GABRG3: variants seen among roughly 807,000 people sequenced by gnomAD.
GABRG3 encodes the protein gamma-aminobutyric acid receptor subunit gamma-3.
In GABRG3, 25 loss-of-function variants were observed where a neutral mutation model predicts 48.8. The ratio of observed to expected loss-of-function variants is 0.51; its 90% confidence interval spans 0.37 to 0.72. The LOEUF is 0.72. Among genes scored for constraint, GABRG3 ranks in the 30% least tolerant of loss-of-function variants. The pLI, the probability that GABRG3 is intolerant of heterozygous loss-of-function variation, is 0.00. For missense variants in GABRG3, 394 were observed against 577.9 expected (o/e 0.68, Z 3.26); for synonymous variants, 227 against 217.6 (o/e 1.04, Z -0.38).
intron 3 of GABRG3, among the ~76,000 whole-genome samples, chr15:27,074,049 T>C (rs1896869982): frequency 6.6e-6 from 1 of 152,152 alleles, no homozygotes. Flanking sequence ...CTTACATGGA[T>C]GGCAGCAGGC....
At chr15:27,083,425 CG>C (rs1486516564) in intron 3 of GABRG3, among the ~76,000 whole-genome samples, 1 of 151,718 alleles carries the variant, frequency 6.6e-6, no homozygotes, top group Non-Finnish European at 1.5e-5. Context: ...CTCCGCCACC[CG>C]GATTCAAGCG....
At chr15:27,492,937 AT>A (rs1448979315) in intron 6 of GABRG3, among the ~76,000 whole-genome samples, 1 of 78,358 alleles carries the variant, frequency 1.3e-5, no homozygotes, top group Non-Finnish European at 2.6e-5. Context: ...TTAGGTAAAA[AT>A]AGTTGTATAA....
chr15:27,266,576 G>A (rs538963902), intron 3 of GABRG3, among the ~76,000 whole-genome samples: 3 of 152,276 alleles, frequency 2.0e-5, no homozygotes, highest in African/African-American at 4.8e-5. Context: ...TCTAAAAAAT[G>A]TCCTGCTGGG....
chr15:27,287,219 AATT>A (rs1182897740), intron 3 of GABRG3, among the ~76,000 whole-genome samples: 1 of 152,210 alleles, frequency 6.6e-6, no homozygotes, highest in Non-Finnish European at 1.5e-5. Context: ...ACATGGGAAG[AATT>A]ATTATTCAGA....
intron 5 of GABRG3, among the ~76,000 whole-genome samples, chr15:27,336,803 A>G (rs1893992562): frequency 6.6e-6 from 1 of 152,224 alleles, no homozygotes; most frequent in Admixed American, 6.5e-5. Flanking sequence ...AACTGTTGGT[A>G]CATCCTTAAA....
chr15:27,426,524 G>T (rs1276823195), intron 5 of GABRG3, among the ~76,000 whole-genome samples: 3 of 152,002 alleles, frequency 2.0e-5, no homozygotes, highest in African/African-American at 7.3e-5. Flanking sequence ...AAAAGACAAA[G>T]CCTTTCTTGG....
At chr15:27,235,257 A>G (rs935577055) in intron 3 of GABRG3, among the ~76,000 whole-genome samples, 2 of 152,228 alleles carry the variant, frequency 1.3e-5, no homozygotes, top group African/African-American at 4.8e-5. Flanking sequence ...CAGTATACCT[A>G]TCCCTGCACA....
At chr15:27,200,766 A>G (rs575145860) in intron 3 of GABRG3, among the ~76,000 whole-genome samples, 7 of 152,228 alleles carry the variant, frequency 4.6e-5, no homozygotes, top group Non-Finnish European at 1.0e-4. Context: ...CATTTTACTC[A>G]CAAAAGCTGG....
chr15:27,354,228 A>C (rs1894756322), intron 5 of GABRG3, among the ~76,000 whole-genome samples: 1 of 152,190 alleles, frequency 6.6e-6, no homozygotes, highest in Admixed American at 6.5e-5. Context: ...ACACATAGAA[A>C]ACTGACAGCA....
chr15:27,358,597 G>C (rs916324451), intron 5 of GABRG3, among the ~76,000 whole-genome samples: 1 of 150,224 alleles, frequency 6.7e-6, no homozygotes, highest in Non-Finnish European at 1.5e-5. Flanking sequence ...CCCTTATTCC[G>C]TCCTTCCTGC....
At chr15:27,331,724 G>T (rs180749879) in intron 5 of GABRG3, among the ~76,000 whole-genome samples, 1 of 152,208 alleles carries the variant, frequency 6.6e-6, no homozygotes, top group African/African-American at 2.4e-5. Context: ...TGATAATGAT[G>T]TGTCAACCTA....
intron 3 of GABRG3, among the ~76,000 whole-genome samples, chr15:27,195,781 C>T (rs563107629): frequency 1.3e-5 from 2 of 152,166 alleles, no homozygotes; most frequent in Admixed American, 1.3e-4. Flanking sequence ...ATTACAGGTG[C>T]CCACCACCAT....
intron 3 of GABRG3, among the ~76,000 whole-genome samples, chr15:27,067,653 A>G (rs1896760009): frequency 6.6e-6 from 1 of 151,908 alleles, no homozygotes; most frequent in Non-Finnish European, 1.5e-5. Flanking sequence ...TTCCTGACTC[A>G]TCCCATTTCA....
At chr15:27,220,086 G>A (rs901991073) in intron 3 of GABRG3, among the ~76,000 whole-genome samples, 1 of 152,136 alleles carries the variant, frequency 6.6e-6, no homozygotes, top group Non-Finnish European at 1.5e-5. Context: ...AGGAGGATGG[G>A]CAGCTCACAC....
At chr15:27,245,896 C>G (rs1890254586) in intron 3 of GABRG3, among the ~76,000 whole-genome samples, 1 of 152,152 alleles carries the variant, frequency 6.6e-6, no homozygotes, top group Non-Finnish European at 1.5e-5. Context: ...GTTTATTTGG[C>G]TCACGGTTCT....
In GABRG3 at chr15:27,277,897, A is replaced by G. The variant is rs1013236171; in HGVS notation, c.271-48912A>G. On this transcript the variant is annotated intron_variant, in intron 3 of 9. Transcript: ENST00000615808. ...AAAAATAGTACTGAAAGGTCTAGGT[A>G]CTATTTACCCCACTTCCCTCAGGGA... Among the ~76,000 whole-genome samples, 27 of 152,280 alleles carry G rather than the reference A, an allele frequency of 1.8e-4. No individual in the cohort carries two copies. The East Asian group carries it at 4.4e-3, about 25-fold the overall frequency.
At chr15:27,201,791 A>G (rs1177753634) in intron 3 of GABRG3, among the ~76,000 whole-genome samples, 1 of 152,226 alleles carries the variant, frequency 6.6e-6, no homozygotes, top group Non-Finnish European at 1.5e-5. Context: ...TATAAAAGTA[A>G]ATAATTTAGA....
At chr15:27,256,585 T>C (rs1890629590) in intron 3 of GABRG3, among the ~76,000 whole-genome samples, 2 of 151,656 alleles carry the variant, frequency 1.3e-5, no homozygotes, top group South Asian at 4.2e-4. Context: ...CTGAGGAGGG[T>C]GGGAACTCCT....
chr15:27,278,050 C>T (rs1388195390), intron 3 of GABRG3, among the ~76,000 whole-genome samples: 2 of 149,882 alleles, frequency 1.3e-5, no homozygotes, highest in Non-Finnish European at 2.9e-5. Flanking sequence ...GTATATAGCT[C>T]GATGCATTTT....
Sources: gnomAD v4.1 joint callset for allele counts (sites outside exome capture counted in the v4.1 genomes callset) on GRCh38, gnomAD v4.1.1 for gene constraint, MANE v1.5 for transcripts, NCBI Gene and HGNC (gene_info 2026-07-23, HGNC 2026-07-21) for gene names.